ATP10A: variants seen among roughly 807,000 people sequenced by gnomAD.
The protein encoded by ATP10A is ATPase phospholipid transporting 10A (putative).
A neutral mutation model predicts 147.8 loss-of-function variants in ATP10A; 111 were observed. That is an observed-to-expected ratio of 0.75 (90% CI 0.64 to 0.88). The LOEUF (loss-of-function observed/expected upper bound fraction) is 0.88, where lower values mean the gene tolerates loss of function less well. Ranked by LOEUF, ATP10A falls within the 40% of genes least tolerant of loss-of-function variation. The pLI is 0.00. For missense variants in ATP10A, 1,927 were observed against 1,959.0 expected (o/e 0.98, Z 0.31); for synonymous variants, 875 against 841.6 (o/e 1.04, Z -0.69).
downstream of ATP10A, among the ~76,000 whole-genome samples, chr15:25,676,939 T>C (rs1899149531): frequency 2.0e-5 from 3 of 152,172 alleles, no homozygotes; most frequent in Admixed American, 2.0e-4. Context: ...ATGCCTTCAG[T>C]GTTTCAGGAT....
intron 3 of ATP10A, among the ~76,000 whole-genome samples, chr15:25,730,310 AAAAAAAAAAAAAAAAAAAG>A (rs60286754): frequency 0.93 from 134,942 of 144,328 alleles, 63,202 homozygotes; most frequent in East Asian, 0.99. Context: ...TCAAAAAAAA[AAAAAAAAAAAAAAAAAAAG>A]AAGAAAGAAA....
chr15:25,760,274 A>T (rs1037311751), intron 2 of ATP10A, among the ~76,000 whole-genome samples: 1 of 152,224 alleles, frequency 6.6e-6, no homozygotes, highest in Admixed American at 6.5e-5. Flanking sequence ...CTGTCAAAAC[A>T]TGGAATGATG....
At chr15:25,846,723 T>G (rs1821438650) in intron 1 of ATP10A, among the ~76,000 whole-genome samples, 1 of 152,180 alleles carries the variant, frequency 6.6e-6, no homozygotes, top group African/African-American at 2.4e-5. Flanking sequence ...AACATAAAGC[T>G]CCTGGAAGAT....
chr15:25,759,431 T>C (rs1350257689), intron 2 of ATP10A, among the ~76,000 whole-genome samples: 3 of 152,192 alleles, frequency 2.0e-5, no homozygotes, highest in African/African-American at 7.2e-5. Context: ...AGCATTAGTA[T>C]GAAAAGTACA....
chr15:25,729,940 G>T (rs1902855037), intron 3 of ATP10A, among the ~76,000 whole-genome samples: 1 of 152,138 alleles, frequency 6.6e-6, no homozygotes, highest in South Asian at 2.1e-4. Flanking sequence ...TTTGAGCTGG[G>T]TCCCTCCAGT....
intron 1 of ATP10A, among the ~76,000 whole-genome samples, chr15:25,835,256 G>T (rs1299589014): frequency 6.6e-6 from 1 of 152,138 alleles, no homozygotes; most frequent in African/African-American, 2.4e-5. Context: ...GAGCAATAGA[G>T]TGAGACCTTA....
At chr15:25,726,930 G>A (rs1328793451) in intron 4 of ATP10A, among the ~76,000 whole-genome samples, 6 of 150,434 alleles carry the variant, frequency 4.0e-5, no homozygotes, top group East Asian at 2.0e-4. Flanking sequence ...CGTGGCGGGC[G>A]CCTGTAGTCC....
In ATP10A at chr15:25,702,869, T is replaced by C. The variant is rs557000376; in HGVS notation, c.2576-769A>G. On this transcript the variant is annotated intron_variant, in intron 12 of 20. Transcript: ENST00000555815. ...AGGTTCGAGCCCTGACTGAGGCTCC[T>C]TTACTGCGCTACACCATGCTGTGCC... Among the ~76,000 whole-genome samples the C allele has an allele frequency of 9.9e-5, 15 of 152,132 alleles. No individual in the cohort carries two copies. The East Asian group carries it at 2.9e-3, about 30-fold the overall frequency.
intron 1 of ATP10A, among the ~76,000 whole-genome samples, chr15:25,810,560 C>A (rs1221159501): frequency 1.3e-5 from 2 of 152,056 alleles, no homozygotes; most frequent in Non-Finnish European, 2.9e-5. Context: ...GGGTAAAAGC[C>A]GGTCAAAGAA....
At chr15:25,786,571 A>G (rs1329222754) in intron 1 of ATP10A, among the ~76,000 whole-genome samples, 1 of 145,662 alleles carries the variant, frequency 6.9e-6, no homozygotes, top group Non-Finnish European at 1.5e-5. Context: ...CACCAGCAGG[A>G]GCTCTAGACG....
intron 17 of ATP10A, among the ~76,000 whole-genome samples, chr15:25,682,760 G>T (rs999524541): frequency 6.6e-6 from 1 of 152,230 alleles, no homozygotes; most frequent in Admixed American, 6.5e-5. Flanking sequence ...CAGGAGAAAT[G>T]AGACTCCATG....
At chr15:25,730,487 T>C (rs1902914974) in intron 3 of ATP10A, among the ~76,000 whole-genome samples, 1 of 152,110 alleles carries the variant, frequency 6.6e-6, no homozygotes, top group Admixed American at 6.5e-5. Flanking sequence ...CTCTTCCCCA[T>C]GGGGCCTCAT....
At chr15:25,816,504 T>C (rs1373564) in intron 1 of ATP10A, among the ~76,000 whole-genome samples, 123,412 of 152,142 alleles carry the variant, frequency 0.81, 50,133 homozygotes, top group East Asian at 0.84. Context: ...AAGTGATGGG[T>C]ACAGTAAAAA....
At chr15:25,703,985 C>A (rs993821925) in intron 12 of ATP10A, among the ~76,000 whole-genome samples, 7 of 152,204 alleles carry the variant, frequency 4.6e-5, no homozygotes, top group Non-Finnish European at 8.8e-5. Context: ...TTAAGACCTG[C>A]TCAGGAAGAA....
At chr15:25,843,777 A>G (rs1241560864) in intron 1 of ATP10A, among the ~76,000 whole-genome samples, 1 of 152,166 alleles carries the variant, frequency 6.6e-6, no homozygotes, top group Non-Finnish European at 1.5e-5. Context: ...AAATCATGCC[A>G]TGCCCACAGC....
chr15:25,852,079 G>A (rs530354405), intron 1 of ATP10A, among the ~76,000 whole-genome samples: 5 of 152,252 alleles, frequency 3.3e-5, no homozygotes, highest in African/African-American at 1.2e-4. Context: ...ATTATTTCAT[G>A]TATTCCTCAC....
intron 3 of ATP10A, among the ~76,000 whole-genome samples, chr15:25,729,365 C>A (rs1179514286): frequency 6.6e-6 from 1 of 152,172 alleles, no homozygotes; most frequent in East Asian, 1.9e-4. Flanking sequence ...CATTCAACCT[C>A]ATCTCCCTGG....
intron 1 of ATP10A, among the ~76,000 whole-genome samples, chr15:25,822,239 G>C (rs1234427441): frequency 1.3e-5 from 2 of 152,208 alleles, no homozygotes; most frequent in Non-Finnish European, 2.9e-5. Context: ...CAGGGATGCA[G>C]AACCCATGGA....
downstream of ATP10A, among the ~76,000 whole-genome samples, chr15:25,676,458 C>T (rs147153876): frequency 1.8e-4 from 27 of 152,342 alleles, no homozygotes; most frequent in African/African-American, 6.0e-4. Flanking sequence ...CTGGGGCCTG[C>T]ATTTTCTAGT....
Sources: allele counts gnomAD v4.1 joint callset (sites outside exome capture counted in the v4.1 genomes callset), GRCh38; gene constraint gnomAD v4.1.1; transcripts MANE v1.5; gene names NCBI Gene and HGNC (gene_info 2026-07-23, HGNC 2026-07-21).